Variants in KLHL32 observed in about 807,000 individuals in gnomAD.
The protein encoded by KLHL32 is kelch-like protein 32.
Under a neutral mutation model 64.8 loss-of-function variants are expected in KLHL32, and 35 were observed. The observed-to-expected ratio is 0.54, with a 90% CI of 0.41 to 0.72. The LOEUF (loss-of-function observed/expected upper bound fraction) is 0.72. Among genes scored for constraint, KLHL32 ranks in the 30% least tolerant of loss-of-function variants. The pLI, the probability that KLHL32 is intolerant of heterozygous loss-of-function variation, is 0.00. For missense variants in KLHL32, 589 were observed against 768.5 expected (o/e 0.77, Z 2.76); for synonymous variants, 259 against 281.0 (o/e 0.92, Z 0.78).
At chr6:96,909,008 T>C in the KLHL32 span, among the ~76,000 whole-genome samples, 1 of 152,098 alleles carries the variant, frequency 6.6e-6, no homozygotes. Flanking sequence ...AGAGACCTGA[T>C]AAAGGAAGAC....
chr6:97,049,017 T>C (rs1786394912), intron 4 of KLHL32, among the ~76,000 whole-genome samples: 2 of 152,232 alleles, frequency 1.3e-5, no homozygotes, highest in Non-Finnish European at 2.9e-5. Context: ...CCTTGCACTC[T>C]GGAGGGTACA....
chr6:96,934,080 A>G (rs968169197), intron 1 of KLHL32, among the ~76,000 whole-genome samples: 1 of 152,232 alleles, frequency 6.6e-6, no homozygotes, highest in African/African-American at 2.4e-5. Context: ...GTTTGTATTA[A>G]GAGTGCTCTG....
At chr6:97,126,402 T>A (rs1382265037) in intron 7 of KLHL32, among the ~76,000 whole-genome samples, 1 of 152,014 alleles carries the variant, frequency 6.6e-6, no homozygotes, top group Non-Finnish European at 1.5e-5. Context: ...AATGAATAAT[T>A]TCTGGGTTTT....
At chr6:96,924,328 C>A (rs765470949), upstream of KLHL32, among the ~76,000 whole-genome samples, 1 of 152,092 alleles carries the variant, frequency 6.6e-6, no homozygotes, top group Non-Finnish European at 1.5e-5. Context: ...GTTCCCGGGT[C>A]TCAGTCGCCG....
intron 1 of KLHL32, among the ~76,000 whole-genome samples, chr6:96,943,312 G>T (rs901513676): frequency 4.0e-5 from 6 of 151,734 alleles, no homozygotes; most frequent in East Asian, 1.9e-4. Flanking sequence ...GCTCTTAAAG[G>T]GTTGGTCTCT....
At chr6:96,962,744 C>T (rs1406836180) in intron 1 of KLHL32, among the ~76,000 whole-genome samples, 3 of 152,036 alleles carry the variant, frequency 2.0e-5, no homozygotes, top group African/African-American at 7.3e-5. Flanking sequence ...CTATACAGCC[C>T]CCTGTGATAA....
At chr6:96,928,344 A>G (rs1241069400) in intron 1 of KLHL32, among the ~76,000 whole-genome samples, 3 of 152,288 alleles carry the variant, frequency 2.0e-5, no homozygotes, top group African/African-American at 7.2e-5. Context: ...GATGCTAGTG[A>G]TACCTAATAT....
chr6:97,047,916 C>G (rs1786182622), intron 4 of KLHL32, among the ~76,000 whole-genome samples: 4 of 152,140 alleles, frequency 2.6e-5, no homozygotes, highest in African/African-American at 9.7e-5. Context: ...AATTTGAGTA[C>G]CTTAGGACCG....
rs1249103070 is a variant in KLHL32, at chr6:97,139,272, G to A, written c.1853G>A (p.Gly618Asp). ...QTLQVPHHRI[G>D]TI The stretch of plus-strand genomic sequence containing the variant: ...CTTCAAGTGCCTCATCACAGGATTG[G>A]CACCATCTGAAAAGCCAAGCCATCA... Residue 618 changes from glycine to aspartate, a missense_variant, in exon 11 of 11, where the codon GGC (glycine) becomes GAC (aspartate). This residue lies in a region of KLHL32 where 172 missense variants were observed against 192.0 expected (regional missense o/e 0.90). Coordinates refer to ENST00000369261, the MANE Select transcript of KLHL32 (RefSeq NM_052904.4). 1.2e-6 allele frequency: 2 copies of A among 1,612,840 alleles called. No individual in the cohort carries two copies. Among genetic ancestry groups the A allele is most frequent in the South Asian group, 2.2e-5 (2 of 90,850 alleles).
At chr6:97,059,747 C>G (rs746020162) in intron 4 of KLHL32, among the ~76,000 whole-genome samples, 2 of 152,120 alleles carry the variant, frequency 1.3e-5, no homozygotes, top group Non-Finnish European at 2.9e-5. Flanking sequence ...CATGTTCCAT[C>G]TGTGAGAATT....
chr6:97,036,133 A>AT (rs1167231252), intron 3 of KLHL32, among the ~76,000 whole-genome samples: 3 of 151,616 alleles, frequency 2.0e-5, no homozygotes, highest in East Asian at 1.9e-4. Context: ...TCTCTGTCGC[A>AT]TTTTTTTATT....
chr6:97,001,557 T>C (rs1458645393), intron 3 of KLHL32, among the ~76,000 whole-genome samples: 3 of 152,158 alleles, frequency 2.0e-5, no homozygotes, highest in African/African-American at 7.2e-5. Flanking sequence ...AGCCTCAATC[T>C]CCCAGACCTG....
chr6:97,096,818 C>T (rs759818473), intron 6 of KLHL32, among the ~76,000 whole-genome samples: 6 of 152,222 alleles, frequency 3.9e-5, no homozygotes, highest in Non-Finnish European at 5.9e-5. Flanking sequence ...GGAACTAATA[C>T]TGAAGTAAGC....
At chr6:97,096,073 T>C (rs1268094423) in intron 6 of KLHL32, among the ~76,000 whole-genome samples, 1 of 152,156 alleles carries the variant, frequency 6.6e-6, no homozygotes, top group African/African-American at 2.4e-5. Context: ...TTCAAGACTG[T>C]TATTTTATAG....
the KLHL32 span, among the ~76,000 whole-genome samples, chr6:96,905,601 T>G: frequency 1.3e-5 from 2 of 152,226 alleles, no homozygotes; most frequent in African/African-American, 4.8e-5. Flanking sequence ...AATGGAAATA[T>G]AACAATACTA....
chr6:96,977,745 G>C (rs946386351), intron 3 of KLHL32, among the ~76,000 whole-genome samples: 3 of 152,152 alleles, frequency 2.0e-5, no homozygotes, highest in Non-Finnish European at 2.9e-5. Context: ...ATTTTTCAAA[G>C]ATGCCAAAGC....
chr6:97,062,491 G>C (rs1191581827), intron 4 of KLHL32: 2 of 152,220 alleles, frequency 1.3e-5, no homozygotes, highest in African/African-American at 2.4e-5. Flanking sequence ...AGATTTTTCA[G>C]AATAAGATGA....
chr6:97,055,677 A>C (rs1275483861), intron 4 of KLHL32, among the ~76,000 whole-genome samples: 1 of 151,524 alleles, frequency 6.6e-6, no homozygotes, highest in Non-Finnish European at 1.5e-5. Context: ...ATGTGCCTGT[A>C]CTCCCAGCTA....
At chr6:97,119,372 T>G (rs549137745) in intron 7 of KLHL32, among the ~76,000 whole-genome samples, 19 of 151,924 alleles carry the variant, frequency 1.3e-4, no homozygotes, top group African/African-American at 4.1e-4. Context: ...CAAATCTAAG[T>G]GAGATAATAG....
Sources: gnomAD v4.1 joint callset for allele counts (sites outside exome capture counted in the v4.1 genomes callset) on GRCh38, gnomAD v4.1.1 for gene constraint, gnomAD v4.1.1 regional missense constraint, MANE v1.5 for transcripts, NCBI Gene and HGNC (gene_info 2026-07-23, HGNC 2026-07-21) for gene names.